The following WIPI2 variants were observed in gnomAD, a reference collection of about 807,000 sequenced individuals.
WIPI2 encodes WD repeat domain phosphoinositide-interacting protein 2.
A neutral mutation model predicts 52.3 loss-of-function variants in WIPI2; 28 were observed. The ratio of observed to expected loss-of-function variants is 0.54; its 90% CI spans 0.40 to 0.73. The LOEUF is 0.73. WIPI2 is among the 30% of genes least tolerant of loss of function. The pLI, the probability that WIPI2 is intolerant of heterozygous loss-of-function variation, is 0.00. For missense variants in WIPI2, 506 were observed against 602.9 expected (o/e 0.84, Z 1.68); for synonymous variants, 268 against 245.0 (o/e 1.09, Z -0.88).
At chr7:5,208,169 T>C (rs2115250672) in intron 3 of WIPI2, among the ~76,000 whole-genome samples, 1 of 152,364 alleles carries the variant, frequency 6.6e-6, no homozygotes, top group South Asian at 2.1e-4. Context: ...AGGTAACTAA[T>C]GATGTTGAAC....
At chr7:5,215,549 C>T (rs1383870098) in intron 4 of WIPI2, among the ~76,000 whole-genome samples, 24 of 152,164 alleles carry the variant, frequency 1.6e-4, no homozygotes, top group Admixed American at 1.5e-3. Context: ...TGATTCTGCC[C>T]GCACTCCCTG....
chr7:5,191,495 A>C (rs1417052250), intron 1 of WIPI2, among the ~76,000 whole-genome samples: 1 of 152,124 alleles, frequency 6.6e-6, no homozygotes. Flanking sequence ...AGGGCAAGAG[A>C]AGGCCTTAAT....
In WIPI2 at chr7:5,233,287, C is replaced by A. The variant is rs1429842600; in HGVS notation, c.*2340C>A. On this transcript the variant is annotated 3_prime_UTR_variant, in exon 13 of 13. Coordinates refer to ENST00000288828, the MANE Select transcript of WIPI2 (RefSeq NM_015610.4). ...CTCTGCTCGAACCTATGAGTCCCAG[C>A]CTCACTGGCGGCCTCAGACATGCTC... 6.6e-6 allele frequency: 1 copy of A among 152,262 alleles called. No individual in the cohort carries two copies. The highest frequency in any genetic ancestry group is 1.5e-5 in the Non-Finnish European group (1 of 68,078). 9.4% of individuals were successfully genotyped at this position (152,262 alleles called of 1,614,324 possible).
At chr7:5,218,102 G>C (rs1412889866) in intron 7 of WIPI2, 88 bp downstream of exon 7, 2 of 1,383,412 alleles carry the variant, frequency 1.4e-6, no homozygotes, top group African/African-American at 1.4e-5. Context: ...TTAGAGGCAA[G>C]GTCCTATACT....
At position 5,209,898 on chromosome 7, in the gene WIPI2, CT is replaced by C. The variant is rs536508984; in HGVS notation, c.212-4630del. Among the ~76,000 whole-genome samples the C allele has an allele frequency of 1.2e-3, 176 of 152,140 alleles. 1 individual carries two copies. The highest frequency in any genetic ancestry group is 2.1e-3 in the Non-Finnish European group (145 of 67,982). On this transcript the variant is annotated intron_variant, in intron 3 of 12. Transcript: ENST00000288828. ...TTTCTACTTCTCCAGAACATAACTT[CT>C]TTTTTTGTTTTGTTTTTTTGGTTTT...
intron 6 of WIPI2, 76 bp from the exon 7 acceptor site, chr7:5,217,846 T>A (rs1782899132): frequency 8.3e-6 from 12 of 1,447,630 alleles, no homozygotes; most frequent in Non-Finnish European, 1.1e-5. Context: ...AATTGGCACT[T>A]GCGGACCAAG....
At chr7:5,221,842 C>T (rs1249112878) in intron 7 of WIPI2, among the ~76,000 whole-genome samples, 5 of 152,200 alleles carry the variant, frequency 3.3e-5, no homozygotes, top group African/African-American at 4.8e-5. Context: ...CTAATCGGCT[C>T]TCTGGATCCG....
intron 2 of WIPI2, among the ~76,000 whole-genome samples, chr7:5,195,240 A>G (rs1413917146): frequency 1.3e-5 from 2 of 152,210 alleles, no homozygotes; most frequent in African/African-American, 2.4e-5. Context: ...TAATCCTGGC[A>G]CTATGCAAGG....
Position 5,233,007 on chromosome 7 carries a change from G to A in WIPI2, c.*2060G>A, listed in dbSNP as rs56335325. The A allele has an allele frequency of 0.048, 7,292 of 152,352 alleles. 193 individuals carry two copies. The highest frequency in any genetic ancestry group is 0.055 in the South Asian group (267 of 4,830). 9.4% of individuals were successfully genotyped at this position (152,352 alleles called of 1,614,324 possible). A position where few individuals can be genotyped will look rare whatever the true frequency, so the allele number is the denominator to read the frequency against. On this transcript the variant is annotated 3_prime_UTR_variant, in exon 13 of 13. Coordinates refer to ENST00000288828, the MANE Select transcript of WIPI2 (RefSeq NM_015610.4). ...GGCAGTTGCAGAGGAGGCCTCGGAC[G>A]TCCTGTGACCCTCGGCCCACACTCC...
chr7:5,214,684 G>A lies in WIPI2; in HGVS notation c.361G>A (p.Ala121Thr), dbSNP rs754888612. ...CNYSYSNTIL[A>T]VKLNRQRLIV... is the part of the protein sequence containing the mutation. ...CTACAGCTACTCCAACACGATTCTGGCTGTGAAGCTCAACAGGCAGGTGAG... is the reference window on the plus strand; with the variant it reads ...CTACAGCTACTCCAACACGATTCTGACTGTGAAGCTCAACAGGCAGGTGAG... The change falls in exon 4 of 13, where the codon GCT becomes ACT. Residue 121 changes from alanine to threonine, a missense_variant. This residue lies in a region of WIPI2 where 237 missense variants were observed against 346.9 expected (regional missense o/e 0.68). Transcript: ENST00000288828. The A allele has an allele frequency of 6.2e-7, 1 of 1,614,120 alleles. No individual in the cohort carries two copies. The highest frequency in any genetic ancestry group is 1.7e-5 in the Admixed American group (1 of 60,028).
At chr7:5,226,565 C>G (rs959580475) in intron 9 of WIPI2, 24 of 152,948 alleles carry the variant, frequency 1.6e-4, no homozygotes, top group African/African-American at 5.6e-4. Flanking sequence ...GTTGCCCAGG[C>G]TGGTCTGGAA....
chr7:5,216,030 TA>T (rs1430998355), intron 4 of WIPI2: 1 of 153,578 alleles, frequency 6.5e-6, no homozygotes, highest in Non-Finnish European at 1.5e-5. Flanking sequence ...TGCCTAACAC[TA>T]AACTAAATGG....
chr7:5,221,332 C>T (rs988532515), intron 7 of WIPI2, among the ~76,000 whole-genome samples: 1 of 152,124 alleles, frequency 6.6e-6, no homozygotes, highest in Non-Finnish European at 1.5e-5. Context: ...TGGTCTCGAA[C>T]TCCTCACCTC....
intron 3 of WIPI2, among the ~76,000 whole-genome samples, chr7:5,207,830 A>G (rs1229884498): frequency 1.3e-5 from 2 of 148,280 alleles, no homozygotes; most frequent in Non-Finnish European, 1.5e-5. Flanking sequence ...CAGTGGCACA[A>G]TCTCGGCTCA....
intron 8 of WIPI2, among the ~76,000 whole-genome samples, chr7:5,224,726 G>C (rs527474325): frequency 3.9e-5 from 6 of 152,178 alleles, no homozygotes; most frequent in Non-Finnish European, 1.5e-5. Flanking sequence ...TGGGGCCGCC[G>C]GATCCATCAA....
intron 3 of WIPI2, among the ~76,000 whole-genome samples, chr7:5,210,051 G>T (rs1782479647): frequency 6.6e-6 from 1 of 152,050 alleles, no homozygotes; most frequent in African/African-American, 2.4e-5. Flanking sequence ...GGGATTACAG[G>T]CGCCCACCGC....
chr7:5,215,620 C>A (rs1486533254), intron 4 of WIPI2, among the ~76,000 whole-genome samples: 1 of 152,216 alleles, frequency 6.6e-6, no homozygotes, highest in Non-Finnish European at 1.5e-5. Flanking sequence ...AGTAGCTGCA[C>A]CCTGAGATAC....
intron 6 of WIPI2, chr7:5,217,582 C>T (rs1583576002): frequency 7.3e-6 from 3 of 410,410 alleles, no homozygotes; most frequent in East Asian, 5.3e-5. Flanking sequence ...CAGGCGGGTG[C>T]CCCGCGCCCA....
intron 3 of WIPI2, chr7:5,214,081 T>G: frequency 3.8e-6 from 1 of 264,438 alleles, no homozygotes; most frequent in South Asian, 4.4e-5. Context: ...ACTTTGGACA[T>G]GTGTGATTCT....
Sources: gnomAD v4.1 joint callset for allele counts (sites outside exome capture counted in the v4.1 genomes callset) on GRCh38, gnomAD v4.1.1 for gene constraint, gnomAD v4.1.1 regional missense constraint, MANE v1.5 for transcripts, NCBI Gene and HGNC (gene_info 2026-07-23, HGNC 2026-07-21) for gene names.